Variants in GABRR1 observed in about 807,000 individuals in gnomAD.
GABRR1 encodes the protein gamma-aminobutyric acid receptor subunit rho-1.
Under a neutral mutation model 55.5 loss-of-function variants are expected in GABRR1, and 59 were observed. The ratio of observed to expected loss-of-function variants is 1.06; its 90% confidence interval spans 0.86 to 1.32. The LOEUF (loss-of-function observed/expected upper bound fraction) is 1.32, where lower values mean the gene tolerates loss of function less well. GABRR1 is among the 40% of genes most tolerant of loss of function. The pLI is 0.00. For missense variants in GABRR1, 602 were observed against 619.1 expected (o/e 0.97, Z 0.29); for synonymous variants, 213 against 226.0 (o/e 0.94, Z 0.51).
intron 2 of GABRR1, among the ~76,000 whole-genome samples, chr6:89,201,583 T>A (rs1772473951): frequency 6.6e-6 from 1 of 152,042 alleles, no homozygotes; most frequent in Admixed American, 6.6e-5. Flanking sequence ...ATCGAGACCA[T>A]CCTGGCTAAC....
intron 1 of GABRR1, among the ~76,000 whole-genome samples, chr6:89,223,686 T>C (rs1773147788): frequency 6.6e-6 from 1 of 151,292 alleles, no homozygotes; most frequent in Non-Finnish European, 1.5e-5. Flanking sequence ...AAGTGGTTCC[T>C]TTTCACTGCA....
chr6:89,180,570 C>T, intron 8 of GABRR1, 82 bp from the exon 9 acceptor site: 2 of 1,490,646 alleles, frequency 1.3e-6, no homozygotes, highest in Non-Finnish European at 1.8e-6. Flanking sequence ...CTCATTTGTC[C>T]CTGCTGCTCC....
chr6:89,190,886 G>A (rs750381625), intron 5 of GABRR1, among the ~76,000 whole-genome samples: 16 of 152,196 alleles, frequency 1.1e-4, no homozygotes, highest in South Asian at 2.1e-4. Context: ...TTTACACTGG[G>A]AAAGAGGCTT....
intron 2 of GABRR1, among the ~76,000 whole-genome samples, chr6:89,202,024 T>C (rs1013437061): frequency 6.6e-6 from 1 of 152,042 alleles, no homozygotes; most frequent in Non-Finnish European, 1.5e-5. Context: ...GGTCCCCTGA[T>C]CTCTGTTGGC....
At position 89,190,185 on chromosome 6, in the gene GABRR1, C is replaced by A. The variant is rs1401959465; in HGVS notation, c.635G>T (p.Cys212Phe). Reference sequence around the variant, plus strand: ...CTCACAGCTTTCAATTTCAAGAGAGCACGTTTGTGTGTCCAAGGGAAATCG... The same window carrying A: ...CTCACAGCTTTCAATTTCAAGAGAGAACGTTTGTGTGTCCAAGGGAAATCG... ...FSRFPLDTQT[C>F]SLEIESYAYT... Residue 212 changes from cysteine to phenylalanine, a missense_variant, in exon 6 of 10, where the codon TGC (cysteine) becomes TTC (phenylalanine). Physicochemically the swap from Cys to Phe is radical, Grantham distance 205 (BLOSUM62 -2). Transcript: ENST00000454853. 6.2e-7 allele frequency: 1 copy of A among 1,609,922 alleles called. No homozygotes were observed. Among genetic ancestry groups the A allele is most frequent in the South Asian group, 1.1e-5 (1 of 90,174 alleles).
intron 1 of GABRR1, among the ~76,000 whole-genome samples, chr6:89,226,573 G>A (rs979962227): frequency 1.1e-4 from 17 of 148,186 alleles, no homozygotes; most frequent in South Asian, 2.2e-4. Flanking sequence ...TCAGATAGTT[G>A]TAGGTATGCG....
chr6:89,181,818 A>G (rs1771730018), intron 8 of GABRR1, 87 bp downstream of exon 8: 1 of 1,317,484 alleles, frequency 7.6e-7, no homozygotes, highest in Non-Finnish European at 1.0e-6. Flanking sequence ...ATACAGAATC[A>G]ATTTGAAAAG....
chr6:89,206,327 T>C (rs7739837), intron 1 of GABRR1, among the ~76,000 whole-genome samples: 118,944 of 151,896 alleles, frequency 0.78, 47,236 homozygotes, highest in Non-Finnish European at 0.84. Flanking sequence ...CACTCACTTT[T>C]CCACTCAGCT....
At chr6:89,216,668 A>T (rs13196287) in intron 1 of GABRR1, among the ~76,000 whole-genome samples, 24,135 of 152,166 alleles carry the variant, frequency 0.16, 2,376 homozygotes, top group African/African-American at 0.27. Flanking sequence ...TGCCTGCAGG[A>T]GGCTCCGTCC....
At chr6:89,191,100 A>T (rs942764721) in intron 5 of GABRR1, among the ~76,000 whole-genome samples, 1 of 152,240 alleles carries the variant, frequency 6.6e-6, no homozygotes, top group African/African-American at 2.4e-5. Context: ...AATCACTTTT[A>T]ATTTAAATGG....
chr6:89,199,441 G>A lies in GABRR1; in HGVS notation c.281-12C>T, dbSNP rs578183944. On this transcript the variant is annotated splice_polypyrimidine_tract_variant and intron_variant, in intron 3 of 9. Transcript: ENST00000454853. ...AGGAATGGCAGGGCCTGGGGACAGAGCATGGCAAGAGCATTCACTGTTTTT... is the reference window on the plus strand; with the variant it reads ...AGGAATGGCAGGGCCTGGGGACAGAACATGGCAAGAGCATTCACTGTTTTT... The A allele has an allele frequency of 3.1e-6, 5 of 1,613,342 alleles. No homozygotes were observed. The highest frequency in any genetic ancestry group is 2.2e-5 in the East Asian group (1 of 44,868).
intron 1 of GABRR1, among the ~76,000 whole-genome samples, chr6:89,205,019 C>A (rs1772598843): frequency 6.6e-6 from 1 of 152,128 alleles, no homozygotes; most frequent in Non-Finnish European, 1.5e-5. Context: ...TCACACAAAA[C>A]AAATAATAGG....
intron 1 of GABRR1, among the ~76,000 whole-genome samples, chr6:89,224,792 T>C (rs1773172016): frequency 6.6e-6 from 1 of 152,144 alleles, no homozygotes; most frequent in Non-Finnish European, 1.5e-5. Context: ...AGAATTTTTT[T>C]TTTTCCCCAA....
chr6:89,212,501 A>G (rs1223870226), intron 1 of GABRR1, among the ~76,000 whole-genome samples: 3 of 152,186 alleles, frequency 2.0e-5, no homozygotes, highest in Non-Finnish European at 4.4e-5. Context: ...CTTTAGCACG[A>G]CAAAGAATGC....
At chr6:89,186,043 C>T (rs573900801) in intron 6 of GABRR1, among the ~76,000 whole-genome samples, 1 of 152,186 alleles carries the variant, frequency 6.6e-6, no homozygotes, top group Non-Finnish European at 1.5e-5. Context: ...CTACCATTTC[C>T]CCTTCCCTCA....
chr6:89,180,632 CAT>C (rs1157565932), intron 8 of GABRR1, 144 bp from the exon 9 acceptor site: 1 of 1,001,602 alleles, frequency 1.0e-6, no homozygotes, highest in Non-Finnish European at 1.4e-6. Context: ...AACACCTACA[CAT>C]CTTTCAAGAT....
chr6:89,203,685 G>A lies in GABRR1; in HGVS notation c.123-200C>T, dbSNP rs566673824. 2.0e-4 allele frequency among the ~76,000 whole-genome samples: 30 copies of A among 152,308 alleles called. No homozygotes were observed. In the South Asian group the frequency reaches 5.8e-3, roughly 29 times the overall value. ...AAGTACCTACAGTAGAAACTGGAGG[G>A]TTCATTACTAAGAAGGCCTAATTTG... is the stretch of plus-strand genomic sequence containing the variant. On this transcript the variant is annotated intron_variant, in intron 1 of 9. Transcript: ENST00000454853.
intron 5 of GABRR1, among the ~76,000 whole-genome samples, chr6:89,197,718 GAAGT>G (rs1363897512): frequency 6.6e-6 from 1 of 152,158 alleles, no homozygotes; most frequent in Non-Finnish European, 1.5e-5. Context: ...GAGATTGTAA[GAAGT>G]AAGTCCTTGA....
At chr6:89,192,147 CA>C (rs1263216825) in intron 5 of GABRR1, among the ~76,000 whole-genome samples, 3 of 152,164 alleles carry the variant, frequency 2.0e-5, no homozygotes, top group African/African-American at 7.2e-5. Flanking sequence ...GAGGTGGGCG[CA>C]GGGCAGTTCT....
Sources: allele counts gnomAD v4.1 joint callset (sites outside exome capture counted in the v4.1 genomes callset), GRCh38; gene constraint gnomAD v4.1.1; transcripts MANE v1.5; gene names NCBI Gene and HGNC (gene_info 2026-07-23, HGNC 2026-07-21).